BYSL: variants seen among roughly 807,000 people sequenced by gnomAD.
BYSL encodes the protein bystin like.
In BYSL, 21 loss-of-function variants were observed where a neutral mutation model predicts 45.4. The observed-to-expected ratio is 0.46, with a 90% CI of 0.33 to 0.67. The LOEUF (loss-of-function observed/expected upper bound fraction) is 0.67. BYSL is among the 30% of genes least tolerant of loss of function. The pLI is 0.02. For synonymous variants in BYSL, 215 were observed against 231.3 expected (o/e 0.93, Z 0.64); for missense variants, 522 against 578.5 (o/e 0.90, Z 1.00).
chr6:41,930,629 C>T lies in BYSL; in HGVS notation c.571-6C>T, dbSNP rs1274896396. 1.9e-6 allele frequency: 3 copies of T among 1,606,722 alleles called. No individual in the cohort carries two copies. Among genetic ancestry groups the T allele is most frequent in the Non-Finnish European group, 1.7e-6 (2 of 1,177,336 alleles). On this transcript the variant is annotated splice_region_variant and splice_polypyrimidine_tract_variant and intron_variant, in intron 3 of 6. Coordinates refer to ENST00000230340, the MANE Select transcript of BYSL (RefSeq NM_004053.4). The stretch of plus-strand genomic sequence containing the variant: ...ACGATGATTGTTTTACCTCCCTCAT[C>T]CCTAGGTATTATCTAAGTACCGCAG...
At chr6:41,925,662 CTATTTATTTT>C (rs1487694602) in intron 1 of BYSL, among the ~76,000 whole-genome samples, 1 of 148,424 alleles carries the variant, frequency 6.7e-6, no homozygotes, top group Non-Finnish European at 1.5e-5. Context: ...CGCGCCCGGC[CTATTTATTTT>C]TATTTATTTA....
chr6:41,917,016 A>G, upstream of BYSL: 8 of 1,506,256 alleles, frequency 5.3e-6, no homozygotes, highest in Non-Finnish European at 5.5e-6. Flanking sequence ...CGCCCACAGC[A>G]TCACAGCTCA....
chr6:41,920,069 C>T (rs373041169), upstream of BYSL, among the ~76,000 whole-genome samples: 264 of 152,318 alleles, frequency 1.7e-3, no homozygotes, highest in African/African-American at 6.1e-3. Flanking sequence ...GTTCTGGGAC[C>T]TGGCACCTTA....
intron 3 of BYSL, 105 bp downstream of exon 3, chr6:41,930,375 T>G: frequency 6.9e-7 from 1 of 1,440,944 alleles, no homozygotes. Flanking sequence ...AAAGAAGTCA[T>G]GGGAGTAGAA....
intron 1 of BYSL, among the ~76,000 whole-genome samples, chr6:41,923,106 T>C (rs998333046): frequency 3.1e-4 from 47 of 151,346 alleles, no homozygotes; most frequent in Admixed American, 4.6e-4. Context: ...AGTAGCCTCC[T>C]CGTTAGTATC....
Position 41,921,835 on chromosome 6 carries a change from G to C in BYSL, c.268+5G>C. 1 of 1,609,712 alleles carries C rather than the reference G, an allele frequency of 6.2e-7. No homozygotes were observed. Among genetic ancestry groups the C allele is most frequent in the Non-Finnish European group, 8.5e-7 (1 of 1,178,406 alleles). ...GGGAACGCACCACGCGGCTGGGTGA[G>C]TGTCTGGGATGAGGTCCGAGGAAGA... On this transcript the variant is annotated splice_donor_5th_base_variant and intron_variant, in intron 1 of 6. Transcript: ENST00000230340.
At chr6:41,929,660 T>C (rs1775610095) in intron 2 of BYSL, among the ~76,000 whole-genome samples, 1 of 152,214 alleles carries the variant, frequency 6.6e-6, no homozygotes, top group Non-Finnish European at 1.5e-5. Flanking sequence ...CTTAGAAATA[T>C]TTCCATAGAT....
chr6:41,917,842 G>A (rs1286245624), upstream of BYSL: 2 of 467,064 alleles, frequency 4.3e-6, no homozygotes, highest in Non-Finnish European at 8.9e-6. Flanking sequence ...AGAGCCACAG[G>A]TGGCTGGGAC....
Position 41,927,458 on chromosome 6 carries a change from GC to G in BYSL, c.355del (p.His119IlefsTer15). The G allele has an allele frequency of 6.2e-7, 1 of 1,614,192 alleles. No homozygotes were observed. ...AAGGCTGCCACAATGACAGCAGCGG[GC>G]CATCATGCAGAGGTGGTTGTGGACC... ...LEKAATMTAA[G>X]HHAEVVVDPE... is the part of the protein sequence containing the mutation. On this transcript the variant is annotated frameshift_variant, in exon 2 of 7. Transcript: ENST00000230340. LOFTEE classifies it high-confidence loss of function.
At chr6:41,908,942 G>C in the BYSL span, 27 of 375,984 alleles carry the variant, frequency 7.2e-5, no homozygotes, top group South Asian at 1.6e-4. Context: ...CAGCACTTTG[G>C]GGGGCTGAGA....
In BYSL at chr6:41,932,077, A is replaced by G. The variant is rs775188916; in HGVS notation, c.968+247A>G. Among the ~76,000 whole-genome samples the G allele has an allele frequency of 4.6e-5, 7 of 152,112 alleles. No individual in the cohort carries two copies. The highest frequency in any genetic ancestry group is 8.8e-5 in the Non-Finnish European group (6 of 68,014). ...CAAATGAGTAGGAAACACAGGAAGA[A>G]AGTAGTTAGGGTGGAGACGTTGAGA... On this transcript the variant is annotated intron_variant, in intron 6 of 6. Coordinates refer to ENST00000230340, the MANE Select transcript of BYSL (RefSeq NM_004053.4). The surrounding 1 kb of genome is among the most constrained non-coding windows in gnomAD (Gnocchi z 4.7).
In BYSL at chr6:41,927,397, T is replaced by C; in HGVS notation, c.292T>C (p.Ser98Pro). 6.2e-7 allele frequency: 1 copy of C among 1,614,096 alleles called. No homozygotes were observed. The highest frequency in any genetic ancestry group is 8.5e-7 in the Non-Finnish European group (1 of 1,180,002). ...RLGPRMPQDG[S>P]DDEDEEWPTL... is the part of the protein sequence containing the mutation. ...AGGTCCAAGAATGCCTCAGGATGGA[T>C]CAGATGACGAGGACGAGGAGTGGCC... The change falls in exon 2 of 7, where the codon TCA (serine) becomes CCA (proline). Residue 98 changes from serine to proline, a missense_variant. Coordinates refer to ENST00000230340, the MANE Select transcript of BYSL (RefSeq NM_004053.4).
chr6:41,910,200 C>G, the BYSL span, among the ~76,000 whole-genome samples: 254 of 152,324 alleles, frequency 1.7e-3, 1 homozygote, highest in African/African-American at 5.8e-3. Context: ...AGAGAGACCT[C>G]AGGATCTGGA....
upstream of BYSL, among the ~76,000 whole-genome samples, chr6:41,919,083 C>T: frequency 7.0e-6 from 1 of 143,548 alleles, no homozygotes; most frequent in South Asian, 2.2e-4. Flanking sequence ...GAGCCGAGAT[C>T]ACGCCACTGC....
intron 1 of BYSL, among the ~76,000 whole-genome samples, chr6:41,924,233 T>C (rs2127384656): frequency 6.6e-6 from 1 of 151,844 alleles, no homozygotes; most frequent in Middle Eastern, 3.4e-3. Context: ...GCTAATTTTT[T>C]TTTTTTTTGT....
At chr6:41,920,861 C>G, upstream of BYSL, 1 of 1,043,042 alleles carries the variant, frequency 9.6e-7, no homozygotes, top group South Asian at 2.3e-5. Flanking sequence ...CCCGGGGAAC[C>G]CGCAGCCCGG....
intron 1 of BYSL, 111 bp downstream of exon 1, chr6:41,921,941 A>G (rs1775487917): frequency 2.1e-6 from 3 of 1,404,778 alleles, no homozygotes; most frequent in East Asian, 5.0e-5. Context: ...AGGGGTCCGT[A>G]TTACACTTGC....
intron 4 of BYSL, among the ~76,000 whole-genome samples, chr6:41,931,180 C>T (rs1034067141): frequency 1.1e-5 from 1 of 90,528 alleles, no homozygotes; most frequent in Non-Finnish European, 2.3e-5. Context: ...CACAGACAAA[C>T]GGTGCTCCTC....
the BYSL span, chr6:41,909,446 G>A: frequency 6.2e-7 from 1 of 1,614,102 alleles, no homozygotes; most frequent in African/African-American, 1.3e-5. Context: ...TAAGGCAAGG[G>A]CCATTCTCAA....
Sources: gnomAD v4.1 joint callset for allele counts (sites outside exome capture counted in the v4.1 genomes callset) on GRCh38, gnomAD v4.1.1 for gene constraint, Gnocchi (gnomAD v3.1) non-coding constraint, MANE v1.5 for transcripts, NCBI Gene and HGNC (gene_info 2026-07-23, HGNC 2026-07-21) for gene names.